The following DLGAP1 variants were observed in gnomAD, a reference collection of about 807,000 sequenced individuals.
The protein encoded by DLGAP1 is DLG associated protein 1, also known as disks large-associated protein 1.
A neutral mutation model predicts 90.8 loss-of-function variants in DLGAP1; 11 were observed. The observed-to-expected ratio is 0.12, with a 90% confidence interval of 0.08 to 0.20. The LOEUF (loss-of-function observed/expected upper bound fraction) is 0.20. Among genes scored for constraint, DLGAP1 ranks in the 10% least tolerant of loss-of-function variants. DLGAP1 has a pLI of 1.00. For synonymous variants in DLGAP1, 558 were observed against 540.7 expected, an observed-to-expected ratio of 1.03 and a Z score of -0.44; for missense variants, 1,050 against 1,333.8, an observed-to-expected ratio of 0.79 and a Z score of 3.31.
intron 1 of DLGAP1, among the ~76,000 whole-genome samples, chr18:4,215,872 G>T (rs1394814561): frequency 6.6e-6 from 1 of 152,020 alleles, no homozygotes; most frequent in Non-Finnish European, 1.5e-5. Flanking sequence ...AACACATTTG[G>T]GTAGGAAGAT....
At chr18:3,639,948 G>A (rs1318839692) in intron 7 of DLGAP1, among the ~76,000 whole-genome samples, 2 of 150,682 alleles carry the variant, frequency 1.3e-5, no homozygotes, top group Non-Finnish European at 2.9e-5. Context: ...TAGAGACAGG[G>A]TTTCACCGTG....
At chr18:3,781,860 G>T (rs2065208007) in intron 5 of DLGAP1, among the ~76,000 whole-genome samples, 1 of 152,300 alleles carries the variant, frequency 6.6e-6, no homozygotes, top group Admixed American at 6.5e-5. Flanking sequence ...AATTCAACAA[G>T]TTCAGATCTT....
intron 11 of DLGAP1, among the ~76,000 whole-genome samples, chr18:3,503,124 G>A (rs1267943162): frequency 1.3e-5 from 2 of 152,186 alleles, no homozygotes; most frequent in East Asian, 1.9e-4. Flanking sequence ...CAAATGATTA[G>A]TAATAAAATA....
intron 1 of DLGAP1, among the ~76,000 whole-genome samples, chr18:4,331,506 T>TA (rs1409971729): frequency 6.6e-6 from 1 of 151,766 alleles, no homozygotes; most frequent in African/African-American, 2.4e-5. Flanking sequence ...GCTCCCTCTG[T>TA]AACCCACCTT....
chr18:3,522,032 A>G (rs1165065713), intron 10 of DLGAP1, among the ~76,000 whole-genome samples: 3 of 151,454 alleles, frequency 2.0e-5, no homozygotes, highest in African/African-American at 7.3e-5. Context: ...GAAAAGTCAC[A>G]CCATCTAGGA....
intron 9 of DLGAP1, among the ~76,000 whole-genome samples, chr18:3,556,491 T>C (rs554676134): frequency 6.6e-6 from 1 of 152,320 alleles, no homozygotes; most frequent in Non-Finnish European, 1.5e-5. Flanking sequence ...GGGTGTCACA[T>C]AGTTGGAATC....
intron 7 of DLGAP1, among the ~76,000 whole-genome samples, chr18:3,651,365 AAAAC>A (rs1009805645): frequency 7.2e-5 from 11 of 152,186 alleles, no homozygotes; most frequent in Admixed American, 3.3e-4. Flanking sequence ...CTAAAAAACA[AAAAC>A]AAACAAACAA....
intron 3 of DLGAP1, chr18:3,978,044 T>G: frequency 2.6e-6 from 1 of 380,422 alleles, no homozygotes; most frequent in Non-Finnish European, 5.2e-6. Flanking sequence ...GTGGCTGTCA[T>G]GCCAGTTTCT....
rs1397031166 is a variant in DLGAP1, at chr18:3,534,046, C to T, written c.2479+148G>A. 8 of 861,976 alleles carry T rather than the reference C, an allele frequency of 9.3e-6. No individual in the cohort carries two copies. The South Asian group carries it at 1.2e-4, about 13-fold the overall frequency. 53.4% of individuals were successfully genotyped at this position (861,976 alleles called of 1,614,324 possible). Reference sequence around the variant, plus strand: ...AGGGACTTCTGGACTCAGCTGGAATCACCTAGCTCTCCTGCATGTTCTGGT... The same window carrying T: ...AGGGACTTCTGGACTCAGCTGGAATTACCTAGCTCTCCTGCATGTTCTGGT... On this transcript the variant is annotated intron_variant, in intron 10 of 12. Transcript: ENST00000315677.
intron 1 of DLGAP1, among the ~76,000 whole-genome samples, chr18:4,209,347 A>C (rs2077792599): frequency 6.6e-6 from 1 of 152,192 alleles, no homozygotes; most frequent in South Asian, 2.1e-4. Flanking sequence ...CATAAAGAGA[A>C]ACACCATTTT....
intron 2 of DLGAP1, among the ~76,000 whole-genome samples, chr18:4,081,666 T>C (rs2075610181): frequency 6.6e-6 from 1 of 152,194 alleles, no homozygotes; most frequent in East Asian, 1.9e-4. Context: ...ACTTAACTCA[T>C]ATTGGAGGAA....
intron 3 of DLGAP1, among the ~76,000 whole-genome samples, chr18:3,973,033 G>A (rs1028615559): frequency 6.6e-6 from 1 of 152,170 alleles, no homozygotes. Context: ...AGGGTGTTGT[G>A]TCTAATAGCT....
rs551448200 is a variant in DLGAP1, at chr18:3,922,902, CG to C, written c.-72-42763del. Among the ~76,000 whole-genome samples, 724 of 151,978 alleles carry C rather than the reference CG, an allele frequency of 4.8e-3. 2 individuals carry two copies. Among genetic ancestry groups the C allele is most frequent in the Middle Eastern group, 0.01 (3 of 294 alleles). ...GATCCCAGCACTTTGGGAGGCTGAG[CG>C]GGGAGGATCTCTTGAGGTCAGGAGT... On this transcript the variant is annotated intron_variant, in intron 3 of 12. Transcript: ENST00000315677.
At position 4,332,133 on chromosome 18, in the gene DLGAP1, C is replaced by T. The variant is rs116693053; in HGVS notation, c.-267+122873G>A. The stretch of plus-strand genomic sequence containing the variant: ...AATAAGGCTTTCTTGAGGATGGATT[C>T]TTTGACCATGATTGGAATGGGGAGT... On this transcript the variant is annotated intron_variant, in intron 1 of 12. Coordinates refer to ENST00000315677, the MANE Select transcript of DLGAP1 (RefSeq NM_004746.4). 2.8e-3 allele frequency among the ~76,000 whole-genome samples: 428 copies of T among 151,926 alleles called. 8 individuals carry two copies. Among genetic ancestry groups the T allele is most frequent in the African/African-American group, 0.01 (420 of 41,276 alleles).
At chr18:3,942,857 T>C (rs553292960) in intron 3 of DLGAP1, among the ~76,000 whole-genome samples, 8 of 152,338 alleles carry the variant, frequency 5.3e-5, no homozygotes, top group Non-Finnish European at 1.0e-4. Flanking sequence ...GCTATGGATA[T>C]ACCGTCTAGG....
chr18:4,105,577 A>T (rs1354026840), intron 2 of DLGAP1, among the ~76,000 whole-genome samples: 1 of 152,230 alleles, frequency 6.6e-6, no homozygotes, highest in Non-Finnish European at 1.5e-5. Context: ...CAACTTATAA[A>T]TTTTGATATA....
chr18:4,326,364 T>C (rs2143666509), intron 1 of DLGAP1, among the ~76,000 whole-genome samples: 1 of 152,228 alleles, frequency 6.6e-6, no homozygotes, highest in East Asian at 1.9e-4. Flanking sequence ...CTGGCAAGGT[T>C]GTCGAGAAAA....
At chr18:3,910,660 T>C (rs1171673202) in intron 3 of DLGAP1, among the ~76,000 whole-genome samples, 2 of 152,188 alleles carry the variant, frequency 1.3e-5, no homozygotes, top group African/African-American at 4.8e-5. Flanking sequence ...TTCGGAATCA[T>C]TGCCATCTGC....
chr18:4,252,646 G>A lies in DLGAP1; in HGVS notation c.-266-101359C>T, dbSNP rs923928240. ...CCTTTAAACTAGTAGCTAAAGAAAC[G>A]AAAGCCAAATATTCAAAACAAAACA... On this transcript the variant is annotated intron_variant, in intron 1 of 12. Transcript: ENST00000315677. Among the ~76,000 whole-genome samples, 5 of 152,134 alleles carry A rather than the reference G, an allele frequency of 3.3e-5. No homozygotes were observed. In the East Asian group the frequency reaches 7.7e-4, roughly 23 times the overall value.
Sources: allele counts gnomAD v4.1 joint callset (sites outside exome capture counted in the v4.1 genomes callset), GRCh38; gene constraint gnomAD v4.1.1; transcripts MANE v1.5; gene names NCBI Gene and HGNC (gene_info 2026-07-23, HGNC 2026-07-21).